Variants in CACNA1E observed in about 807,000 individuals in gnomAD.
The protein encoded by CACNA1E is voltage-dependent R-type calcium channel subunit alpha-1E.
CACNA1E carries 40 observed loss-of-function variants against 259.2 expected under a neutral mutation model. That is an observed-to-expected ratio of 0.15 (90% CI 0.12 to 0.20). The LOEUF is 0.20. CACNA1E is among the 10% of genes least tolerant of loss of function. CACNA1E has a pLI of 1.00. For missense variants in CACNA1E, 1,874 were observed against 3,040.1 expected, an observed-to-expected ratio of 0.62 and a Z score of 9.02; for synonymous variants, 1,104 against 1,138.5, an observed-to-expected ratio of 0.97 and a Z score of 0.61.
intron 3 of CACNA1E, among the ~76,000 whole-genome samples, chr1:181,537,552 G>C (rs145412754): frequency 1.6e-3 from 242 of 152,280 alleles, no homozygotes; most frequent in African/African-American, 5.7e-3. Flanking sequence ...TTGGTGGAAG[G>C]GGGGAGAGGT....
At chr1:181,360,919 G>C (rs985403247) in intron 1 of CACNA1E, among the ~76,000 whole-genome samples, 1 of 152,024 alleles carries the variant, frequency 6.6e-6, no homozygotes, top group Non-Finnish European at 1.5e-5. Flanking sequence ...CTGGGAAAGC[G>C]GGCAAGGACC....
At chr1:181,692,592 T>G (rs1651278521) in intron 7 of CACNA1E, among the ~76,000 whole-genome samples, 1 of 152,114 alleles carries the variant, frequency 6.6e-6, no homozygotes, top group South Asian at 2.1e-4. Flanking sequence ...GGATAGCTGG[T>G]TAGCTAGATG....
intron 2 of CACNA1E, among the ~76,000 whole-genome samples, chr1:181,437,335 TAAAAA>T (rs1356490598): frequency 1.3e-5 from 2 of 152,094 alleles, no homozygotes; most frequent in Admixed American, 1.3e-4. Flanking sequence ...CCCACCAGTG[TAAAAA>T]CATGCAATAG....
intron 6 of CACNA1E, among the ~76,000 whole-genome samples, chr1:181,592,375 C>T (rs1254387858): frequency 1.3e-5 from 2 of 151,618 alleles, no homozygotes; most frequent in African/African-American, 2.4e-5. Context: ...GCCAGGCTGT[C>T]GGGAGATGCA....
chr1:181,409,443 A>G (rs970910900), intron 1 of CACNA1E, among the ~76,000 whole-genome samples: 1 of 152,206 alleles, frequency 6.6e-6, no homozygotes, highest in African/African-American at 2.4e-5. Context: ...TGTGTGCCCA[A>G]GAAGGGGATA....
chr1:181,521,606 C>A (rs1019101435), intron 3 of CACNA1E, among the ~76,000 whole-genome samples: 1 of 152,138 alleles, frequency 6.6e-6, no homozygotes, highest in Admixed American at 6.5e-5. Flanking sequence ...CTGCTAGGGA[C>A]GCAGCACTGG....
At chr1:181,596,249 GC>G (rs1168331660) in intron 6 of CACNA1E, among the ~76,000 whole-genome samples, 1 of 152,130 alleles carries the variant, frequency 6.6e-6, no homozygotes, top group Non-Finnish European at 1.5e-5. Flanking sequence ...TCTGTCTCAG[GC>G]TTTTGGGAAG....
At chr1:181,478,813 C>G (rs1393054329), upstream of CACNA1E, among the ~76,000 whole-genome samples, 1 of 152,210 alleles carries the variant, frequency 6.6e-6, no homozygotes, top group African/African-American at 2.4e-5. Flanking sequence ...ACTGCTTCTC[C>G]AACTTTGCCA....
At chr1:181,672,608 C>T (rs1037745193) in intron 7 of CACNA1E, among the ~76,000 whole-genome samples, 5 of 152,226 alleles carry the variant, frequency 3.3e-5, no homozygotes, top group Non-Finnish European at 4.4e-5. Context: ...GTATCCCAGA[C>T]TGTCTGGCTC....
chr1:181,527,326 T>C (rs1572106491), intron 3 of CACNA1E, among the ~76,000 whole-genome samples: 1 of 152,310 alleles, frequency 6.6e-6, no homozygotes, highest in South Asian at 2.1e-4. Context: ...TAATCCCATA[T>C]AAGAGCAGAG....
intron 43 of CACNA1E, among the ~76,000 whole-genome samples, chr1:181,786,404 TG>T (rs1660850381): frequency 6.6e-6 from 1 of 151,464 alleles, no homozygotes; most frequent in South Asian, 2.1e-4. Context: ...CCTAAAGTCC[TG>T]GGTAGTAGAA....
chr1:181,640,219 A>G (rs1657623179), intron 6 of CACNA1E, among the ~76,000 whole-genome samples: 1 of 152,198 alleles, frequency 6.6e-6, no homozygotes, highest in East Asian at 1.9e-4. Context: ...TCAGTGTGCT[A>G]TGAGAAACTG....
intron 3 of CACNA1E, among the ~76,000 whole-genome samples, chr1:181,517,100 G>A (rs1666643622): frequency 1.3e-5 from 2 of 152,222 alleles, no homozygotes; most frequent in Admixed American, 1.3e-4. Flanking sequence ...CTGGAGCCAC[G>A]CAACATGAGA....
chr1:181,533,906 T>C (rs144635586), intron 3 of CACNA1E, among the ~76,000 whole-genome samples: 3 of 152,268 alleles, frequency 2.0e-5, no homozygotes, highest in African/African-American at 7.2e-5. Context: ...GTTGATGTTA[T>C]ATCCAGCAAT....
At chr1:181,784,077 T>C (rs181340635) in intron 40 of CACNA1E, among the ~76,000 whole-genome samples, 3 of 151,652 alleles carry the variant, frequency 2.0e-5, no homozygotes, top group Admixed American at 2.0e-4. Flanking sequence ...AATTTTGTCC[T>C]TTTTTTCTGT....
In CACNA1E at chr1:181,784,897, G is replaced by A. The variant is rs76391135; in HGVS notation, c.5578+129G>A. The A allele has an allele frequency of 2.4e-3, 1,473 of 626,572 alleles. 24 individuals carry two copies. The highest frequency in any genetic ancestry group is 0.023 in the African/African-American group (1,266 of 54,212). The allele number at this position is 626,572 out of a possible 1,614,324, so 38.8% of individuals were successfully genotyped here. A position where few individuals can be genotyped will look rare whatever the true frequency, so the allele number is the denominator to read the frequency against. On this transcript the variant is annotated intron_variant, in intron 41 of 47. Transcript: ENST00000367573. ...CCTTTTCAATTAATAAGGACAAAAG[G>A]GACTTAAGGATAAAACATGTTCTTT... is the stretch of plus-strand genomic sequence containing the variant.
chr1:181,590,414 A>T (rs865884795), intron 6 of CACNA1E, among the ~76,000 whole-genome samples: 4,477 of 125,178 alleles, frequency 0.036, 94 homozygotes, highest in Non-Finnish European at 0.049. Context: ...AAAAAAAAAA[A>T]AAATATATAT....
intron 1 of CACNA1E, among the ~76,000 whole-genome samples, chr1:181,498,285 T>C (rs1284398569): frequency 6.6e-6 from 1 of 152,198 alleles, no homozygotes; most frequent in African/African-American, 2.4e-5. Flanking sequence ...AAGAGGCTTA[T>C]AGTAGGTTTG....
chr1:181,553,006 T>G (rs1648337807), intron 3 of CACNA1E, among the ~76,000 whole-genome samples: 1 of 152,226 alleles, frequency 6.6e-6, no homozygotes, highest in African/African-American at 2.4e-5. Flanking sequence ...CCATATGAAA[T>G]TTAAAGTAGT....
Sources: gnomAD v4.1 joint callset for allele counts (sites outside exome capture counted in the v4.1 genomes callset) on GRCh38, gnomAD v4.1.1 for gene constraint, MANE v1.5 for transcripts, NCBI Gene and HGNC (gene_info 2026-07-23, HGNC 2026-07-21) for gene names.